BCAS4: variants seen among roughly 807,000 people sequenced by gnomAD.
BCAS4 encodes breast carcinoma amplified sequence 4, also known as breast carcinoma-amplified sequence 4.
In BCAS4, 9 loss-of-function variants were observed where a neutral mutation model predicts 15.7. The ratio of observed to expected loss-of-function variants is 0.57; its 90% CI spans 0.34 to 1.00. The LOEUF is 1.00. Among genes scored for constraint, BCAS4 ranks in the 50% least tolerant of loss-of-function variants. BCAS4 has a pLI of 0.02. For synonymous variants in BCAS4, 101 were observed against 99.5 expected, an observed-to-expected ratio of 1.02 and a Z score of -0.09; for missense variants, 225 against 239.1, an observed-to-expected ratio of 0.94 and a Z score of 0.39.
chr20:50,833,241 G>A (rs547677917), intron 3 of BCAS4, among the ~76,000 whole-genome samples: 50 of 152,256 alleles, frequency 3.3e-4, no homozygotes, highest in African/African-American at 1.1e-3. Context: ...AAGGGGACTC[G>A]GACCCCAGTG....
At chr20:50,861,264 G>A (rs1979053370) in intron 4 of BCAS4, among the ~76,000 whole-genome samples, 1 of 152,208 alleles carries the variant, frequency 6.6e-6, no homozygotes. Flanking sequence ...AGTTCCCTGC[G>A]TGGTGAGGGG....
At chr20:50,863,495 C>T (rs1030788838) in intron 4 of BCAS4, among the ~76,000 whole-genome samples, 4 of 151,944 alleles carry the variant, frequency 2.6e-5, no homozygotes, top group East Asian at 3.9e-4. Flanking sequence ...TGACCTCAAG[C>T]GATACGCCTG....
At chr20:50,860,503 C>A (rs1260575870) in intron 4 of BCAS4, among the ~76,000 whole-genome samples, 1 of 152,176 alleles carries the variant, frequency 6.6e-6, no homozygotes, top group Non-Finnish European at 1.5e-5. Context: ...ATAAATGGAA[C>A]GGTGCAGTCT....
intron 1 of BCAS4, among the ~76,000 whole-genome samples, chr20:50,803,930 G>T (rs1196923309): frequency 6.6e-6 from 1 of 152,104 alleles, no homozygotes; most frequent in Non-Finnish European, 1.5e-5. Context: ...AGGATTTTAA[G>T]CCTGGAAGTG....
rs554764920 is a variant in BCAS4 at position 50,874,186 on chromosome 20, G to C, written c.400-2300G>C. Reference sequence around the variant, plus strand: ...AGCTGCAAAGGCCCTCAGTGCTCATGGGATCAAGGTCATAGCTTGGCTTGC... The same window carrying C: ...AGCTGCAAAGGCCCTCAGTGCTCATCGGATCAAGGTCATAGCTTGGCTTGC... On this transcript the variant is annotated intron_variant, in intron 4 of 4. Transcript: ENST00000371608. 1.9e-4 allele frequency among the ~76,000 whole-genome samples: 29 copies of C among 152,244 alleles called. No homozygotes were observed. In the South Asian group the frequency reaches 5.6e-3, roughly 29 times the overall value.
intron 4 of BCAS4, among the ~76,000 whole-genome samples, chr20:50,854,659 G>A (rs1281550304): frequency 6.6e-6 from 1 of 152,180 alleles, no homozygotes. Context: ...ATTCACTTAT[G>A]CACTTGGCAC....
chr20:50,848,944 G>C (rs969844079), intron 4 of BCAS4, among the ~76,000 whole-genome samples: 31 of 152,274 alleles, frequency 2.0e-4, no homozygotes, highest in African/African-American at 7.0e-4. Flanking sequence ...CCCAGCGCCT[G>C]CTTGCGGAGG....
intron 2 of BCAS4, 92 bp from the exon 3 acceptor site, chr20:50,830,187 G>C (rs2088326472): frequency 1.0e-6 from 1 of 968,882 alleles, no homozygotes. Context: ...AGCCATCATT[G>C]GGGTCTGTGT....
intron 1 of BCAS4, among the ~76,000 whole-genome samples, chr20:50,806,097 C>T (rs1428945893): frequency 6.6e-6 from 1 of 152,106 alleles, no homozygotes. Flanking sequence ...GTTTGGAGAG[C>T]CTAGTAGGGT....
chr20:50,855,672 G>A (rs1978717899), intron 4 of BCAS4, among the ~76,000 whole-genome samples: 3 of 152,078 alleles, frequency 2.0e-5, no homozygotes, highest in Admixed American at 1.3e-4. Flanking sequence ...TGGGCCGTGG[G>A]CACCCATTGC....
At chr20:50,829,502 C>G (rs1191924050) in intron 2 of BCAS4, among the ~76,000 whole-genome samples, 2 of 152,040 alleles carry the variant, frequency 1.3e-5, no homozygotes, top group African/African-American at 4.8e-5. Flanking sequence ...CTCGGCCTCC[C>G]AAAGTATTGG....
intron 4 of BCAS4, among the ~76,000 whole-genome samples, chr20:50,861,412 G>A (rs1315249265): frequency 6.6e-6 from 1 of 152,264 alleles, no homozygotes; most frequent in Non-Finnish European, 1.5e-5. Context: ...GGCCTGGGGT[G>A]GAGGGGCTGG....
At chr20:50,843,618 T>C (rs890614734) in intron 4 of BCAS4, among the ~76,000 whole-genome samples, 2 of 152,212 alleles carry the variant, frequency 1.3e-5, no homozygotes, top group Non-Finnish European at 2.9e-5. Flanking sequence ...TGCCCAAGCT[T>C]GTAACAGCTG....
rs1978427304 is a variant in BCAS4 at position 50,851,652 on chromosome 20, A to T, written c.399+9752A>T. On this transcript the variant is annotated intron_variant, in intron 4 of 4. Transcript: ENST00000371608. The surrounding 1 kb of genome is among the most constrained non-coding windows in gnomAD (Gnocchi z 4.3). ...CTTCTCTCAAAGCAGCACCACCGTC[A>T]GGGGCATCCCCTGTGGCAGCAGTGC... is the stretch of plus-strand genomic sequence containing the variant. Among the ~76,000 whole-genome samples, 1 of 152,120 alleles carries T rather than the reference A, an allele frequency of 6.6e-6. No individual in the cohort carries two copies. The highest frequency in any genetic ancestry group is 1.5e-5 in the Non-Finnish European group (1 of 68,014).
At chr20:50,867,190 C>A (rs1310355051) in intron 4 of BCAS4, among the ~76,000 whole-genome samples, 1 of 152,216 alleles carries the variant, frequency 6.6e-6, no homozygotes, top group African/African-American at 2.4e-5. Context: ...GAACTCAAGT[C>A]CACAGTTGCT....
chr20:50,826,831 G>T (rs1722082009), intron 2 of BCAS4, among the ~76,000 whole-genome samples: 1 of 152,136 alleles, frequency 6.6e-6, no homozygotes, highest in Non-Finnish European at 1.5e-5. Flanking sequence ...AGCTGGGCAT[G>T]GTGGTGGACA....
At chr20:50,836,328 G>A (rs1254101787) in intron 3 of BCAS4, among the ~76,000 whole-genome samples, 1 of 152,136 alleles carries the variant, frequency 6.6e-6, no homozygotes, top group African/African-American at 2.4e-5. Context: ...AGAGAGCTGG[G>A]GCTCTGATCT....
chr20:50,841,828 G>A lies in BCAS4; in HGVS notation c.327G>A (p.Glu109=), dbSNP rs1406682781. The change falls in exon 4 of 5, where the codon GAG becomes GAA. Residue 109 remains glutamate (E), a synonymous_variant. Transcript: ENST00000371608. ...AFLEADVLQA[E]RDHGAFPQAL... ...TGGAAGCAGACGTGCTTCAGGCTGA[G>A]CGGGACCATGGGGCCTTCCCTCAGG... is the stretch of plus-strand genomic sequence containing the variant. 9.9e-6 allele frequency: 16 copies of A among 1,613,722 alleles called. No individual in the cohort carries two copies. Among genetic ancestry groups the A allele is most frequent in the Non-Finnish European group, 1.4e-5 (16 of 1,179,898 alleles).
intron 4 of BCAS4, among the ~76,000 whole-genome samples, chr20:50,875,283 C>T (rs1979864729): frequency 6.6e-6 from 1 of 152,126 alleles, no homozygotes; most frequent in Non-Finnish European, 1.5e-5. Flanking sequence ...TGCTCAGCAG[C>T]CTGCAGGAGC....
Sources: allele counts gnomAD v4.1 joint callset (sites outside exome capture counted in the v4.1 genomes callset), GRCh38; gene constraint gnomAD v4.1.1; non-coding constraint Gnocchi (gnomAD v3.1); transcripts MANE v1.5; gene names NCBI Gene and HGNC (gene_info 2026-07-23, HGNC 2026-07-21).